Variants in CAMTA1 observed in about 807,000 individuals in gnomAD.
CAMTA1 encodes the protein calmodulin binding transcription activator 1.
CAMTA1 carries 27 observed loss-of-function variants against 170.9 expected under a neutral mutation model. The observed-to-expected ratio is 0.16, with a 90% CI of 0.12 to 0.22. CAMTA1 has a LOEUF of 0.22. Among genes scored for constraint, CAMTA1 ranks in the 10% least tolerant of loss-of-function variants. CAMTA1 has a pLI of 1.00. For missense variants in CAMTA1, 1,619 were observed against 2,217.2 expected (o/e 0.73, Z 5.42); for synonymous variants, 833 against 891.5 (o/e 0.93, Z 1.17).
At chr1:7,143,881 T>C (rs1397007763) in intron 4 of CAMTA1, among the ~76,000 whole-genome samples, 1 of 152,216 alleles carries the variant, frequency 6.6e-6, no homozygotes, top group Non-Finnish European at 1.5e-5. Flanking sequence ...ATGGCTTTTT[T>C]CCCCATCCTT....
chr1:7,639,754 GAGT>G (rs937133318), intron 6 of CAMTA1, among the ~76,000 whole-genome samples: 2 of 150,964 alleles, frequency 1.3e-5, no homozygotes, highest in African/African-American at 4.9e-5. Flanking sequence ...CTGGACGATG[GAGT>G]GAGACTCTGT....
Position 7,766,676 on chromosome 1 carries a change from T to G in CAMTA1, c.*185T>G. ...CTGCAGGATTTTAACAGGAATGTTT[T>G]GGTCATTGCATTTGCACTTTCATGG... On this transcript the variant is annotated 3_prime_UTR_variant, in exon 23 of 23. Transcript: ENST00000303635. 1 of 533,168 alleles carries G rather than the reference T, an allele frequency of 1.9e-6. No individual in the cohort carries two copies. The highest frequency in any genetic ancestry group is 3.1e-5 in the Admixed American group (1 of 32,188). 33.0% of individuals were successfully genotyped at this position (533,168 alleles called of 1,614,324 possible). A position where few individuals can be genotyped will look rare whatever the true frequency, so the allele number is the denominator to read the frequency against.
chr1:7,328,786 CT>C (rs1478704509), intron 5 of CAMTA1, among the ~76,000 whole-genome samples: 1 of 151,806 alleles, frequency 6.6e-6, no homozygotes, highest in African/African-American at 2.4e-5. Context: ...TTCTATTTAC[CT>C]TTTCCCCCCA....
chr1:7,050,920 T>C lies in CAMTA1; in HGVS notation c.235-40384T>C, dbSNP rs959635083. On this transcript the variant is annotated intron_variant, in intron 3 of 22. Coordinates refer to ENST00000303635, the MANE Select transcript of CAMTA1 (RefSeq NM_015215.4). The surrounding 1 kb of genome is among the most constrained non-coding windows in gnomAD (Gnocchi z 4.8). ...GAGGCCCCACTGCAGGGAGCAGCGC[T>C]GGAAGCCCGGCCCTCTGTACTGTGT... Among the ~76,000 whole-genome samples, 2 of 152,178 alleles carry C rather than the reference T, an allele frequency of 1.3e-5. No homozygotes were observed. Among genetic ancestry groups the C allele is most frequent in the Admixed American group, 1.3e-4 (2 of 15,278 alleles).
intron 3 of CAMTA1, among the ~76,000 whole-genome samples, chr1:6,940,853 C>A (rs1180143245): frequency 2.2e-4 from 1 of 4,476 alleles, no homozygotes; most frequent in Admixed American, 3.8e-3. Flanking sequence ...TCAGCACTAT[C>A]CCCCATTTGT....
intron 6 of CAMTA1, among the ~76,000 whole-genome samples, chr1:7,630,701 G>A (rs1457083361): frequency 6.6e-6 from 1 of 152,208 alleles, no homozygotes; most frequent in Non-Finnish European, 1.5e-5. Context: ...AGGTGCTGCA[G>A]GGCCCCCAAG....
intron 3 of CAMTA1, among the ~76,000 whole-genome samples, chr1:6,966,198 CAT>C (rs1691512246): frequency 6.6e-6 from 1 of 152,276 alleles, no homozygotes; most frequent in South Asian, 2.1e-4. Flanking sequence ...ATGTAATTAA[CAT>C]ATCACGCAAT....
intron 6 of CAMTA1, among the ~76,000 whole-genome samples, chr1:7,591,501 G>T (rs1164160553): frequency 6.6e-6 from 1 of 152,182 alleles, no homozygotes; most frequent in African/African-American, 2.4e-5. Flanking sequence ...ACTGCTCCAA[G>T]GCCTCAAAGT....
Position 7,275,261 on chromosome 1 carries a change from T to C in CAMTA1, c.438+25635T>C, listed in dbSNP as rs149219005. 2.9e-3 allele frequency among the ~76,000 whole-genome samples: 439 copies of C among 152,048 alleles called. 3 individuals are homozygous for C. The highest frequency in any genetic ancestry group is 0.01 in the African/African-American group (424 of 41,514). ...CAGATATTAGAAGGAAATTTATAGTTTGAAGTGCTTACACTATATTTACAT... is the reference window on the plus strand; with the variant it reads ...CAGATATTAGAAGGAAATTTATAGTCTGAAGTGCTTACACTATATTTACAT... On this transcript the variant is annotated intron_variant, in intron 5 of 22. Transcript: ENST00000303635.
chr1:7,288,977 C>A (rs1489959508), intron 5 of CAMTA1, among the ~76,000 whole-genome samples: 1 of 152,142 alleles, frequency 6.6e-6, no homozygotes, highest in Non-Finnish European at 1.5e-5. Context: ...AAGCATGATT[C>A]TGGTATCTTC....
rs556801390 is a variant in CAMTA1 at position 7,456,317 on chromosome 1, A to G, written c.439-11513A>G. The stretch of plus-strand genomic sequence containing the variant: ...GGAAGGACAGGGAGCGGGAAGGAGG[A>G]AGGCAGGCCATCACCAGTATACACC... On this transcript the variant is annotated intron_variant, in intron 5 of 22. Coordinates refer to ENST00000303635, the MANE Select transcript of CAMTA1 (RefSeq NM_015215.4). The surrounding 1 kb of genome is among the most constrained non-coding windows in gnomAD (Gnocchi z 4.9). Among the ~76,000 whole-genome samples, 1 of 151,984 alleles carries G rather than the reference A, an allele frequency of 6.6e-6. No individual in the cohort carries two copies. The highest frequency in any genetic ancestry group is 6.6e-5 in the Admixed American group (1 of 15,256).
At position 7,534,508 on chromosome 1, in the gene CAMTA1, C is replaced by T. The variant is rs2150065322; in HGVS notation, c.510+66607C>T. On this transcript the variant is annotated intron_variant, in intron 6 of 22. Coordinates refer to ENST00000303635, the MANE Select transcript of CAMTA1 (RefSeq NM_015215.4). This position sits in a 1 kb window ranked among gnomAD's most constrained non-coding sequence, Gnocchi z 5.6. Reference sequence around the variant, plus strand: ...CCCTGTAAACAAGTGGCAGTCCTCACCCTCCTAGGCAGCTGAGGCCCAGCC... The same window carrying T: ...CCCTGTAAACAAGTGGCAGTCCTCATCCTCCTAGGCAGCTGAGGCCCAGCC... Among the ~76,000 whole-genome samples, 1 of 152,344 alleles carries T rather than the reference C, an allele frequency of 6.6e-6. No homozygotes were observed.
At chr1:7,214,421 C>T (rs1016098140) in intron 4 of CAMTA1, among the ~76,000 whole-genome samples, 13 of 150,696 alleles carry the variant, frequency 8.6e-5, no homozygotes, top group African/African-American at 3.0e-4. Flanking sequence ...GGCTGGAGTG[C>T]AGTGGTGCAA....
At chr1:6,997,155 G>A (rs1697387836) in intron 3 of CAMTA1, among the ~76,000 whole-genome samples, 1 of 152,080 alleles carries the variant, frequency 6.6e-6, no homozygotes, top group Admixed American at 6.5e-5. Context: ...ATTTTTTTGT[G>A]AATGTTCTAC....
chr1:7,062,106 C>T (rs1708310278), intron 3 of CAMTA1, among the ~76,000 whole-genome samples: 1 of 151,922 alleles, frequency 6.6e-6, no homozygotes, highest in South Asian at 2.1e-4. Context: ...TTAGTAGAGA[C>T]GGGGTTTTGC....
intron 3 of CAMTA1, among the ~76,000 whole-genome samples, chr1:6,894,279 A>G (rs1483269263): frequency 1.3e-5 from 2 of 152,206 alleles, no homozygotes; most frequent in Non-Finnish European, 2.9e-5. Context: ...AGTTTGTTTT[A>G]AGGATGATGC....
chr1:7,557,810 G>A (rs915430023), intron 6 of CAMTA1, among the ~76,000 whole-genome samples: 1 of 152,158 alleles, frequency 6.6e-6, no homozygotes, highest in Non-Finnish European at 1.5e-5. Context: ...TGGAGGGGCT[G>A]GCAGGAGGCA....
chr1:7,297,188 A>G (rs1253285886), intron 5 of CAMTA1, among the ~76,000 whole-genome samples: 3 of 152,214 alleles, frequency 2.0e-5, no homozygotes, highest in African/African-American at 7.2e-5. Context: ...GTATATCTCT[A>G]TTCTAGATAT....
Position 7,173,305 on chromosome 1 carries a change from C to CG in CAMTA1, c.303-76182dup, listed in dbSNP as rs1409909602. On this transcript the variant is annotated intron_variant, in intron 4 of 22. Transcript: ENST00000303635. This position sits in a 1 kb window ranked among gnomAD's most constrained non-coding sequence, Gnocchi z 5.4. ...GAGCTGAAATGAACAGAAGGCAGAG[C>CG]GGGGTGCAGGGCCTGGCCGTGACTG... Among the ~76,000 whole-genome samples the CG allele has an allele frequency of 6.6e-6, 1 of 152,166 alleles. No individual in the cohort carries two copies. The highest frequency in any genetic ancestry group is 1.5e-5 in the Non-Finnish European group (1 of 68,036).
Sources: allele counts gnomAD v4.1 joint callset (sites outside exome capture counted in the v4.1 genomes callset), GRCh38; gene constraint gnomAD v4.1.1; non-coding constraint Gnocchi (gnomAD v3.1); transcripts MANE v1.5; gene names NCBI Gene and HGNC (gene_info 2026-07-23, HGNC 2026-07-21).